Variants in CRPPA observed in about 807,000 individuals in gnomAD.
CRPPA encodes CDP-L-ribitol pyrophosphorylase A, also known as D-ribitol-5-phosphate cytidylyltransferase.
A neutral mutation model predicts 52.0 loss-of-function variants in CRPPA; 43 were observed. The observed-to-expected ratio is 0.83, with a 90% CI of 0.65 to 1.07. The LOEUF is 1.07. Ranked by LOEUF, CRPPA falls within the 50% of genes least tolerant of loss-of-function variation. The pLI, the probability that CRPPA is intolerant of heterozygous loss-of-function variation, is 0.00. For missense variants in CRPPA, 629 were observed against 551.7 expected (o/e 1.14, Z -1.40); for synonymous variants, 250 against 203.5 (o/e 1.23, Z -1.94).
At chr7:16,154,867 G>C (rs1783143832) in intron 9 of CRPPA, among the ~76,000 whole-genome samples, 1 of 150,254 alleles carries the variant, frequency 6.7e-6, no homozygotes, top group Non-Finnish European at 1.5e-5. Context: ...GAGCGCAGTG[G>C]CACAATCTCG....
chr7:16,389,928 A>AAAAAATATAT, intron 2 of CRPPA, among the ~76,000 whole-genome samples: 4 of 29,756 alleles, frequency 1.3e-4, no homozygotes, highest in African/African-American at 6.9e-4. Context: ...AAAAAAAAAA[A>AAAAAATATAT]ATATATATAT....
At chr7:16,408,976 A>G (rs773845623) in intron 1 of CRPPA, among the ~76,000 whole-genome samples, 3 of 152,182 alleles carry the variant, frequency 2.0e-5, no homozygotes, top group Non-Finnish European at 4.4e-5. Context: ...ATCTTGGCTC[A>G]CTGCAACCTC....
Position 16,089,500 on chromosome 7 carries a change from T to C in CRPPA, c.*2195A>G, listed in dbSNP as rs1177761934. The C allele has an allele frequency of 7.7e-6, 2 of 261,402 alleles. No individual in the cohort carries two copies. Among genetic ancestry groups the C allele is most frequent in the South Asian group, 3.0e-5 (1 of 32,944 alleles). The allele number at this position is 261,402 out of a possible 1,614,324, so 16.2% of individuals were successfully genotyped here. A position where few individuals can be genotyped will look rare whatever the true frequency, so the allele number is the denominator to read the frequency against. On this transcript the variant is annotated 3_prime_UTR_variant, in exon 10 of 10. Transcript: ENST00000407010. ...ACATATATACGGGTATATATGTACGTACATACATAGATATGGGTATATATG... is the reference window on the plus strand; with the variant it reads ...ACATATATACGGGTATATATGTACGCACATACATAGATATGGGTATATATG...
intron 3 of CRPPA, among the ~76,000 whole-genome samples, chr7:16,322,470 G>C (rs1036477924): frequency 6.6e-6 from 1 of 152,076 alleles, no homozygotes; most frequent in African/African-American, 2.4e-5. Context: ...TGACAGCCTA[G>C]AAAAACAGAA....
At chr7:16,389,928 A>ATATATATATATAT (rs1554353907) in intron 2 of CRPPA, among the ~76,000 whole-genome samples, 1 of 29,758 alleles carries the variant, frequency 3.4e-5, no homozygotes, top group African/African-American at 1.7e-4. Flanking sequence ...AAAAAAAAAA[A>ATATATATATATAT]ATATATATAT....
In CRPPA at chr7:16,421,160, C is replaced by A; in HGVS notation, c.163G>T (p.Gly55Trp). The change falls in exon 1 of 10, where the codon GGG becomes TGG. Residue 55 changes from glycine to tryptophan, a missense_variant. By Grantham distance (184) the Gly-to-Trp change is radical. Coordinates refer to ENST00000407010, the MANE Select transcript of CRPPA (RefSeq NM_001101426.4). ...QAVAAVLPAG[G>W]CGERMGVPTP... ...GGGACCCCCATCCTCTCCCCGCACC[C>A]CCCGGCAGGCAACACAGCTGCCACG... is the stretch of plus-strand genomic sequence containing the variant. 1 of 1,338,462 alleles carries A rather than the reference C, an allele frequency of 7.5e-7. No individual in the cohort carries two copies. The highest frequency in any genetic ancestry group is 9.6e-7 in the Non-Finnish European group (1 of 1,039,618). 82.9% of individuals were successfully genotyped at this position (1,338,462 alleles called of 1,614,324 possible).
intron 3 of CRPPA, among the ~76,000 whole-genome samples, chr7:16,342,799 C>A (rs76714018): frequency 0.89 from 92,657 of 104,342 alleles, 41,950 homozygotes; most frequent in South Asian, 0.92. Context: ...ATATATATAT[C>A]TATATAGATA....
intron 5 of CRPPA, among the ~76,000 whole-genome samples, chr7:16,285,874 A>G (rs1345372602): frequency 6.6e-6 from 1 of 150,638 alleles, no homozygotes; most frequent in Non-Finnish European, 1.5e-5. Flanking sequence ...ACAAAAAATT[A>G]GCTGGGCATG....
At chr7:16,339,762 C>T (rs1277592142) in intron 3 of CRPPA, among the ~76,000 whole-genome samples, 1 of 152,154 alleles carries the variant, frequency 6.6e-6, no homozygotes. Context: ...TCACAGGTGA[C>T]ATCACTGTCT....
chr7:16,406,004 A>G, intron 2 of CRPPA, 57 bp downstream of exon 2: 1 of 1,487,394 alleles, frequency 6.7e-7, no homozygotes, highest in East Asian at 2.3e-5. Flanking sequence ...AAATTCAGCA[A>G]ATGAACCACA....
At chr7:16,125,887 CTACA>C (rs1349343938) in intron 9 of CRPPA, among the ~76,000 whole-genome samples, 2 of 87,710 alleles carry the variant, frequency 2.3e-5, no homozygotes, top group African/African-American at 9.1e-5. Context: ...AGAAGCTTGC[CTACA>C]CACACACACA....
intron 9 of CRPPA, among the ~76,000 whole-genome samples, chr7:16,185,948 CAT>C (rs1781496992): frequency 6.6e-6 from 1 of 152,144 alleles, no homozygotes; most frequent in African/African-American, 2.4e-5. Flanking sequence ...CATGACTGTA[CAT>C]ATTCACACAT....
chr7:16,303,024 A>G (rs1250868919), intron 4 of CRPPA, among the ~76,000 whole-genome samples: 1 of 152,242 alleles, frequency 6.6e-6, no homozygotes, highest in African/African-American at 2.4e-5. Flanking sequence ...ATTGAGAATT[A>G]CAACATTTTC....
chr7:16,421,358 G>T lies in CRPPA; in HGVS notation c.-36C>A, dbSNP rs1345508634. 2.4e-6 allele frequency: 3 copies of T among 1,228,304 alleles called. No homozygotes were observed. In the Admixed American group the frequency reaches 1.3e-4, roughly 53 times the overall value. The allele number at this position is 1,228,304 out of a possible 1,614,324, so 76.1% of individuals were successfully genotyped here. A position where few individuals can be genotyped will look rare whatever the true frequency, so the allele number is the denominator to read the frequency against. On this transcript the variant is annotated 5_prime_UTR_variant, in exon 1 of 10. Coordinates refer to ENST00000407010, the MANE Select transcript of CRPPA (RefSeq NM_001101426.4). ...GGAACGGCGAGCCCCGCTAGCCTCG[G>T]GCCGATGCGACCCCGCGCTGCTCCC...
intron 9 of CRPPA, among the ~76,000 whole-genome samples, chr7:16,144,768 C>T (rs1293605204): frequency 1.3e-5 from 2 of 152,120 alleles, no homozygotes; most frequent in Non-Finnish European, 2.9e-5. Flanking sequence ...GGGCTGCATT[C>T]TCAGCAGCTG....
At chr7:16,414,454 A>G (rs1583591306) in intron 1 of CRPPA, among the ~76,000 whole-genome samples, 2 of 151,742 alleles carry the variant, frequency 1.3e-5, no homozygotes, top group South Asian at 4.2e-4. Flanking sequence ...TACTGGCAGG[A>G]ATTTTTGCCT....
chr7:16,125,386 A>G (rs1484825998), intron 9 of CRPPA, among the ~76,000 whole-genome samples: 1 of 152,108 alleles, frequency 6.6e-6, no homozygotes, highest in African/African-American at 2.4e-5. Flanking sequence ...TACCAAGCAT[A>G]GTCTCTGTCA....
intron 9 of CRPPA, among the ~76,000 whole-genome samples, chr7:16,197,063 T>C (rs1583422120): frequency 6.8e-6 from 1 of 147,322 alleles, no homozygotes; most frequent in Admixed American, 6.8e-5. Flanking sequence ...TCAAACAGAA[T>C]AGGGTAAACA....
At chr7:16,395,360 C>A (rs1386254091) in intron 2 of CRPPA, among the ~76,000 whole-genome samples, 1 of 152,200 alleles carries the variant, frequency 6.6e-6, no homozygotes, top group Non-Finnish European at 1.5e-5. Context: ...CATTTCTCCT[C>A]AGGCAACTGC....
Sources: allele counts gnomAD v4.1 joint callset (sites outside exome capture counted in the v4.1 genomes callset), GRCh38; gene constraint gnomAD v4.1.1; transcripts MANE v1.5; gene names NCBI Gene and HGNC (gene_info 2026-07-23, HGNC 2026-07-21).